Variants in FADS1 observed in about 807,000 individuals in gnomAD.
The protein encoded by FADS1 is acyl-CoA (8-3)-desaturase.
FADS1 carries 17 observed loss-of-function variants against 61.6 expected under a neutral mutation model. The observed-to-expected ratio is 0.28, with a 90% CI of 0.19 to 0.41. The LOEUF (loss-of-function observed/expected upper bound fraction) is 0.41. Ranked by LOEUF, FADS1 falls within the 10% of genes least tolerant of loss-of-function variation. The pLI is 1.00. For synonymous variants in FADS1, 238 were observed against 258.7 expected (o/e 0.92, Z 0.77); for missense variants, 387 against 650.9 (o/e 0.59, Z 4.41).
chr11:61,807,659 T>A (rs1419683283), intron 5 of FADS1, among the ~76,000 whole-genome samples: 1 of 152,200 alleles, frequency 6.6e-6, no homozygotes, highest in African/African-American at 2.4e-5. Flanking sequence ...GGGGCCACCA[T>A]GTCAACCAGC....
chr11:61,810,601 G>A, intron 5 of FADS1, 150 bp downstream of exon 5: 3 of 916,664 alleles, frequency 3.3e-6, no homozygotes, highest in Non-Finnish European at 5.0e-6. Flanking sequence ...ATTGCCTGTT[G>A]CCTTCCAGAA....
rs2066982716 is a variant in FADS1 at position 61,816,320 on chromosome 11, T to C, written c.375+235A>G. 1 of 1,598,274 alleles carries C rather than the reference T, an allele frequency of 6.3e-7. No individual in the cohort carries two copies. Among genetic ancestry groups the C allele is most frequent in the African/African-American group, 1.3e-5 (1 of 74,904 alleles). On this transcript the variant is annotated intron_variant, in intron 1 of 11. Transcript: ENST00000350997. The surrounding 1 kb of genome is among the most constrained non-coding windows in gnomAD (Gnocchi z 7.0). ...AGGGAGGCGGGACCCTTTGTTTGTG[T>C]GTGCGTGTTGTTGGCCTCCATCCCC...
chr11:61,812,481 C>G lies in FADS1; in HGVS notation c.674G>C (p.Ser225Thr). Residue 225 changes from serine to threonine, a missense_variant, in exon 3 of 12, where the codon AGT becomes ACT. Ser to Thr is a moderately conservative substitution (Grantham distance 58). Coordinates refer to ENST00000350997, the MANE Select transcript of FADS1 (RefSeq NM_013402.7). ...LPFLLCAVLL[S>T]AVQAQAGWLQ... The stretch of plus-strand genomic sequence containing the variant: ...GCCAAAGGCTCTCACCTGAACTGCA[C>G]TGAGCAGCACCGCACAGAGGAGGAA... The G allele has an allele frequency of 6.2e-7, 1 of 1,613,948 alleles. No individual in the cohort carries two copies. The highest frequency in any genetic ancestry group is 1.7e-5 in the Admixed American group (1 of 60,022).
chr11:61,810,215 C>G (rs1013207094), intron 5 of FADS1, among the ~76,000 whole-genome samples: 1 of 152,200 alleles, frequency 6.6e-6, no homozygotes. Flanking sequence ...TCAAACCCAA[C>G]GCTGACCACC....
chr11:61,809,303 G>A (rs1444671109), intron 5 of FADS1, among the ~76,000 whole-genome samples: 4 of 152,076 alleles, frequency 2.6e-5, no homozygotes, highest in African/African-American at 9.7e-5. Context: ...TGTAAGTTAC[G>A]TTGAACTCTG....
At position 61,815,454 on chromosome 11, in the gene FADS1, G is replaced by A. The variant is rs2066972459; in HGVS notation, c.375+1101C>T. The stretch of plus-strand genomic sequence containing the variant: ...GTCTAAGCTCTGCTGCGACGTTATG[G>A]GAACCTGGTGACCCGCGGCACACTC... On this transcript the variant is annotated intron_variant, in intron 1 of 11. Transcript: ENST00000350997. This position sits in a 1 kb window ranked among gnomAD's most constrained non-coding sequence, Gnocchi z 6.4. 1 of 152,358 alleles carries A rather than the reference G, an allele frequency of 6.6e-6. No individual in the cohort carries two copies. Among genetic ancestry groups the A allele is most frequent in the African/African-American group, 2.4e-5 (1 of 41,460 alleles). 9.4% of individuals were successfully genotyped at this position (152,358 alleles called of 1,614,324 possible).
At chr11:61,813,626 A>G in intron 1 of FADS1, 1 of 387,052 alleles carries the variant, frequency 2.6e-6, no homozygotes. Flanking sequence ...GTGCTCTATA[A>G]AATGGACAAA....
chr11:61,803,976 C>T lies in FADS1; in HGVS notation c.1054-209G>A, dbSNP rs1730841870. On this transcript the variant is annotated intron_variant, in intron 7 of 11. Transcript: ENST00000350997. The surrounding 1 kb of genome is among the most constrained non-coding windows in gnomAD (Gnocchi z 4.3). Reference sequence around the variant, plus strand: ...CCCCCCAGCCCTTCTTGCATGTCCCCTTCAAAAGTACCAAGGCCTACAAGG... The same window carrying T: ...CCCCCCAGCCCTTCTTGCATGTCCCTTTCAAAAGTACCAAGGCCTACAAGG... 1.7e-6 allele frequency: 1 copy of T among 585,824 alleles called. No homozygotes were observed. Among genetic ancestry groups the T allele is most frequent in the Non-Finnish European group, 3.0e-6 (1 of 328,722 alleles). 36.3% of individuals were successfully genotyped at this position (585,824 alleles called of 1,614,324 possible).
intron 3 of FADS1, chr11:61,811,676 G>C (rs770904037): frequency 1.9e-5 from 5 of 269,236 alleles, no homozygotes; most frequent in Non-Finnish European, 3.7e-5. Context: ...TGCAACCTTC[G>C]CTTCCCAGGT....
rs1254105760 is a variant in FADS1, at chr11:61,816,901, C to T, written c.29G>A (p.Gly10Asp). Reference protein sequence around the residue: MGTRAARPAGLPCGAENPAR... With the variant: MGTRAARPADLPCGAENPAR... ...CGGGTTTTCAGCACCGCAGGGCAGA[C>T]CGGCGGGCCTCGCAGCGCGCGTTCC... Residue 10 changes from glycine (G) to aspartate (D), a missense_variant, in exon 1 of 12, where the codon GGT (glycine) becomes GAT (aspartate). By Grantham distance (94) the Gly-to-Asp change is moderately conservative. Transcript: ENST00000350997. The surrounding 1 kb of genome is among the most constrained non-coding windows in gnomAD (Gnocchi z 7.0). 3 of 1,419,922 alleles carry T rather than the reference C, an allele frequency of 2.1e-6. No individual in the cohort carries two copies. Among genetic ancestry groups the T allele is most frequent in the South Asian group, 3.0e-5 (2 of 67,646 alleles). 88.0% of individuals were successfully genotyped at this position (1,419,922 alleles called of 1,614,324 possible).
At chr11:61,810,088 C>A (rs1206291184) in intron 5 of FADS1, among the ~76,000 whole-genome samples, 1 of 152,224 alleles carries the variant, frequency 6.6e-6, no homozygotes, top group Admixed American at 6.5e-5. Context: ...AAGAATTCTG[C>A]TGGCCTTTTA....
chr11:61,813,411 T>G (rs2066945803), intron 1 of FADS1, 58 bp from the exon 2 acceptor site: 2 of 1,010,098 alleles, frequency 2.0e-6, no homozygotes, highest in African/African-American at 3.2e-5. Flanking sequence ...ACTCCGGCAG[T>G]GTTCGCACCA....
Position 61,802,930 on chromosome 11 carries a change from T to A in FADS1, c.1329-4A>T, listed in dbSNP as rs200179315. ...TCGAGGCATCGTGGGAAAAAGACTT[T>A]AGGGAGAACGGGGGAGTCAGTGGTT... On this transcript the variant is annotated splice_region_variant and splice_polypyrimidine_tract_variant and intron_variant, in intron 10 of 11. Transcript: ENST00000350997. This position sits in a 1 kb window ranked among gnomAD's most constrained non-coding sequence, Gnocchi z 4.2. 7 of 1,613,352 alleles carry A rather than the reference T, an allele frequency of 4.3e-6. No homozygotes were observed. The highest frequency in any genetic ancestry group is 1.1e-5 in the South Asian group (1 of 91,058).
Position 61,801,089 on chromosome 11 carries a change from T to C in FADS1, c.*1322A>G, listed in dbSNP as rs965929635. 2 of 152,374 alleles carry C rather than the reference T, an allele frequency of 1.3e-5. No homozygotes were observed. The highest frequency in any genetic ancestry group is 4.8e-5 in the African/African-American group (2 of 41,464). The allele number at this position is 152,374 out of a possible 1,614,324, so 9.4% of individuals were successfully genotyped here. ...GTGGTTTTAATCTTCCTATTTCTGA[T>C]TTAGAAGTATGAAGTGATCATATTT... On this transcript the variant is annotated 3_prime_UTR_variant, in exon 12 of 12. Transcript: ENST00000350997.
Position 61,809,960 on chromosome 11 carries a change from G to GT in FADS1, c.915+790dup, listed in dbSNP as rs754284360. ...TTGAACTCATGCCTAGAACTGAAATGTGTTTTAACGACAATTTAATTCCTC... is the reference window on the plus strand; with the variant it reads ...TTGAACTCATGCCTAGAACTGAAATGTTGTTTTAACGACAATTTAATTCCTC... On this transcript the variant is annotated intron_variant, in intron 5 of 11. Coordinates refer to ENST00000350997, the MANE Select transcript of FADS1 (RefSeq NM_013402.7). 8.1e-4 allele frequency among the ~76,000 whole-genome samples: 123 copies of GT among 152,184 alleles called. 1 individual carries two copies. Among genetic ancestry groups the GT allele is most frequent in the Non-Finnish European group, 1.6e-3 (108 of 68,038 alleles).
At chr11:61,812,276 G>A (rs1565320748) in intron 3 of FADS1, among the ~76,000 whole-genome samples, 195 bp downstream of exon 3, 1 of 152,182 alleles carries the variant, frequency 6.6e-6, no homozygotes, top group Admixed American at 6.5e-5. Context: ...GGCAGTGAGA[G>A]AAATGAAGAT....
In FADS1 at chr11:61,801,297, G is replaced by A. The variant is rs145902; in HGVS notation, c.*1114C>T. The A allele has an allele frequency of 6.6e-6, 1 of 152,296 alleles. No homozygotes were observed. The highest frequency in any genetic ancestry group is 1.5e-5 in the Non-Finnish European group (1 of 68,042). 9.4% of individuals were successfully genotyped at this position (152,296 alleles called of 1,614,324 possible). On this transcript the variant is annotated 3_prime_UTR_variant, in exon 12 of 12. Transcript: ENST00000350997. ...TATTAAACTTGAAATTTTAGGTTGG[G>A]AAGCAAAGGGAAACCACTGGGCATC...
At chr11:61,813,180 T>A in intron 2 of FADS1, 63 bp downstream of exon 2, 1 of 985,724 alleles carries the variant, frequency 1.0e-6, no homozygotes, top group Non-Finnish European at 1.6e-6. Flanking sequence ...AGACTCTCCT[T>A]CCACCCCCTC....
rs1453807148 is a variant in FADS1 at position 61,802,571 on chromosome 11, C to T, written c.1455-109G>A. ...TCTTCCATCTGGAGGTTTTCCTCCC[C>T]TCTACTTTAGAGAAAGCTAGCTTGG... On this transcript the variant is annotated intron_variant, in intron 11 of 11. Transcript: ENST00000350997. The surrounding 1 kb of genome is among the most constrained non-coding windows in gnomAD (Gnocchi z 4.2). The T allele has an allele frequency of 3.9e-6, 5 of 1,282,902 alleles. No individual in the cohort carries two copies. Among genetic ancestry groups the T allele is most frequent in the South Asian group, 1.3e-5 (1 of 78,152 alleles). 79.5% of individuals were successfully genotyped at this position (1,282,902 alleles called of 1,614,324 possible).
Sources: allele counts gnomAD v4.1 joint callset (sites outside exome capture counted in the v4.1 genomes callset), GRCh38; gene constraint gnomAD v4.1.1; non-coding constraint Gnocchi (gnomAD v3.1); transcripts MANE v1.5; gene names NCBI Gene and HGNC (gene_info 2026-07-23, HGNC 2026-07-21).